CNTLN: variants seen among roughly 807,000 people sequenced by gnomAD.
CNTLN encodes the protein centlein, also known as centlein, centrosomal protein.
Under a neutral mutation model 180.0 loss-of-function variants are expected in CNTLN, and 212 were observed. The ratio of observed to expected loss-of-function variants is 1.18; its 90% CI spans 1.05 to 1.32. The LOEUF is 1.32. Ranked by LOEUF, CNTLN falls within the 40% of genes most tolerant of loss-of-function variation. The pLI is 0.00. For synonymous variants in CNTLN, 722 were observed against 563.1 expected, an observed-to-expected ratio of 1.28 and a Z score of -3.99; for missense variants, 2,095 against 1,610.9, an observed-to-expected ratio of 1.30 and a Z score of -5.14.
intron 2 of CNTLN, among the ~76,000 whole-genome samples, chr9:17,175,194 A>G (rs1239229221): frequency 6.6e-6 from 1 of 152,138 alleles, no homozygotes; most frequent in Non-Finnish European, 1.5e-5. Context: ...TTGGCGTCAA[A>G]TTGAGATTTT....
rs182353025 is a variant in CNTLN at position 17,482,847 on chromosome 9, G to C, written c.3856-1448G>C. On this transcript the variant is annotated intron_variant, in intron 23 of 25. Coordinates refer to ENST00000380647, the MANE Select transcript of CNTLN (RefSeq NM_017738.4). ...ACTGCTAAGTGGTGATGGGACAAGT[G>C]AGTATGATTTTATTTAATAATCTTC... Among the ~76,000 whole-genome samples, 37 of 152,230 alleles carry C rather than the reference G, an allele frequency of 2.4e-4. No individual in the cohort carries two copies. In the East Asian group the frequency reaches 5.8e-3, roughly 24 times the overall value.
chr9:17,274,923 A>T (rs182246231), intron 6 of CNTLN, among the ~76,000 whole-genome samples: 2 of 152,140 alleles, frequency 1.3e-5, no homozygotes, highest in African/African-American at 4.8e-5. Flanking sequence ...AAGCCAATAA[A>T]GTTAAAATGA....
chr9:17,364,873 T>C (rs1823680963), intron 12 of CNTLN, among the ~76,000 whole-genome samples: 1 of 152,220 alleles, frequency 6.6e-6, no homozygotes. Flanking sequence ...GTTTTGAACC[T>C]ATTGATTTAG....
chr9:17,467,213 G>A (rs184613430), intron 23 of CNTLN, among the ~76,000 whole-genome samples: 3 of 151,532 alleles, frequency 2.0e-5, no homozygotes, highest in East Asian at 1.9e-4. Context: ...TTTGAAAATC[G>A]TTCAAGCAGG....
chr9:17,435,719 C>T (rs1449014323), intron 18 of CNTLN, among the ~76,000 whole-genome samples: 2 of 152,180 alleles, frequency 1.3e-5, no homozygotes, highest in South Asian at 2.1e-4. Flanking sequence ...CATGCCAACA[C>T]GTCCGGCTAA....
At chr9:17,251,233 C>T (rs920289938) in intron 5 of CNTLN, among the ~76,000 whole-genome samples, 1 of 151,852 alleles carries the variant, frequency 6.6e-6, no homozygotes, top group African/African-American at 2.4e-5. Context: ...CAACATGAAT[C>T]TATTTTGTTG....
In CNTLN at chr9:17,269,025, C is replaced by T. The variant is rs931790206; in HGVS notation, c.850-4708C>T. ...GCCTCGCCCTGCTCTGGCTAGCGCA[C>T]GGTGCGCTGCACCCACTGTCCTGCA... On this transcript the variant is annotated intron_variant, in intron 5 of 25. Coordinates refer to ENST00000380647, the MANE Select transcript of CNTLN (RefSeq NM_017738.4). 3.7e-4 allele frequency among the ~76,000 whole-genome samples: 57 copies of T among 152,172 alleles called. 1 individual carries two copies. The highest frequency in any genetic ancestry group is 1.2e-3 in the African/African-American group (49 of 41,542).
intron 2 of CNTLN, chr9:17,167,509 GC>G (rs1335493855): frequency 6.6e-6 from 1 of 152,250 alleles, no homozygotes; most frequent in Non-Finnish European, 1.5e-5. Context: ...AGGTGCATAG[GC>G]TGTTAAGGCC....
At chr9:17,222,424 A>G (rs1327122805) in intron 2 of CNTLN, among the ~76,000 whole-genome samples, 2 of 151,996 alleles carry the variant, frequency 1.3e-5, no homozygotes, top group Admixed American at 6.6e-5. Context: ...AGTGGGTAAT[A>G]ATTTGAACCA....
chr9:17,431,792 C>G (rs927849039), intron 18 of CNTLN, among the ~76,000 whole-genome samples: 1 of 152,082 alleles, frequency 6.6e-6, no homozygotes, highest in Non-Finnish European at 1.5e-5. Context: ...TAAGATCTGT[C>G]CCAGCTACAT....
chr9:17,352,845 A>G (rs533595505), intron 12 of CNTLN, among the ~76,000 whole-genome samples: 3 of 152,346 alleles, frequency 2.0e-5, no homozygotes, highest in East Asian at 3.9e-4. Context: ...TTCACTTAGC[A>G]TAATATTTTC....
intron 16 of CNTLN, among the ~76,000 whole-genome samples, chr9:17,411,950 G>A (rs2133859290): frequency 6.6e-6 from 1 of 152,196 alleles, no homozygotes; most frequent in Middle Eastern, 3.4e-3. Flanking sequence ...TTTCCCTTCT[G>A]AGCAAGATAA....
At chr9:17,295,766 TATC>T (rs1817856165) in intron 6 of CNTLN, among the ~76,000 whole-genome samples, 5 of 152,160 alleles carry the variant, frequency 3.3e-5, no homozygotes, top group Admixed American at 3.3e-4. Flanking sequence ...TTGGTGTACA[TATC>T]ATCACTTGTA....
chr9:17,386,158 G>A (rs1287663205), intron 13 of CNTLN, among the ~76,000 whole-genome samples: 1 of 151,510 alleles, frequency 6.6e-6, no homozygotes, highest in Non-Finnish European at 1.5e-5. Flanking sequence ...CAAATCATTT[G>A]TTAAATTAAT....
chr9:17,302,584 G>A (rs1235916593), intron 7 of CNTLN, among the ~76,000 whole-genome samples: 1 of 151,332 alleles, frequency 6.6e-6, no homozygotes, highest in Non-Finnish European at 1.5e-5. Context: ...GGATTCTAAG[G>A]GGACCTGCCT....
At chr9:17,352,418 T>TATATA (rs1564020071) in intron 12 of CNTLN, among the ~76,000 whole-genome samples, 3 of 19,268 alleles carry the variant, frequency 1.6e-4, no homozygotes, top group African/African-American at 4.9e-4. Flanking sequence ...ATATATATAT[T>TATATA]TTTTTTTTTT....
intron 23 of CNTLN, among the ~76,000 whole-genome samples, chr9:17,475,437 G>T (rs1489327329): frequency 6.7e-6 from 1 of 148,432 alleles, no homozygotes; most frequent in East Asian, 2.1e-4. Flanking sequence ...TATTTAATTT[G>T]TAAAGAATAT....
intron 25 of CNTLN, among the ~76,000 whole-genome samples, chr9:17,502,152 C>T (rs979215873): frequency 1.3e-5 from 2 of 152,128 alleles, no homozygotes; most frequent in Non-Finnish European, 2.9e-5. Context: ...ATTGATGGTT[C>T]TCTCTCATTC....
intron 18 of CNTLN, among the ~76,000 whole-genome samples, chr9:17,443,921 T>A (rs1341763371): frequency 6.6e-6 from 1 of 152,112 alleles, no homozygotes; most frequent in African/African-American, 2.4e-5. Context: ...AGAAAGTTTT[T>A]AACAAGAAAA....
Sources: gnomAD v4.1 joint callset for allele counts (sites outside exome capture counted in the v4.1 genomes callset) on GRCh38, gnomAD v4.1.1 for gene constraint, MANE v1.5 for transcripts, NCBI Gene and HGNC (gene_info 2026-07-23, HGNC 2026-07-21) for gene names.